Variants in FSTL4 observed in about 807,000 individuals in gnomAD.
FSTL4 encodes follistatin like 4.
In FSTL4, 28 loss-of-function variants were observed where a neutral mutation model predicts 78.2. That is an observed-to-expected ratio of 0.36 (90% CI 0.27 to 0.49). The LOEUF is 0.49. Ranked by LOEUF, FSTL4 falls within the 20% of genes least tolerant of loss-of-function variation. FSTL4 has a pLI of 0.98. For missense variants in FSTL4, 922 were observed against 1,084.9 expected (o/e 0.85, Z 2.11); for synonymous variants, 422 against 440.5 (o/e 0.96, Z 0.53).
chr5:133,660,352 C>T, the FSTL4 span, among the ~76,000 whole-genome samples: 4 of 152,254 alleles, frequency 2.6e-5, no homozygotes, highest in African/African-American at 4.8e-5. Flanking sequence ...AAACCCAGCC[C>T]GGTCCATGGG....
the FSTL4 span, among the ~76,000 whole-genome samples, chr5:133,710,472 G>A: frequency 6.6e-6 from 1 of 152,196 alleles, no homozygotes; most frequent in Non-Finnish European, 1.5e-5. Context: ...TAACTGGGAT[G>A]AGTGTCCTCT....
chr5:133,540,387 G>T (rs1759441450), intron 3 of FSTL4, among the ~76,000 whole-genome samples: 1 of 151,738 alleles, frequency 6.6e-6, no homozygotes, highest in Non-Finnish European at 1.5e-5. Context: ...CATTTCCTGG[G>T]CTCCCTATGG....
intron 3 of FSTL4, among the ~76,000 whole-genome samples, chr5:133,402,020 C>T (rs1017499692): frequency 4.0e-5 from 6 of 151,820 alleles, no homozygotes; most frequent in African/African-American, 1.2e-4. Flanking sequence ...TGGGGGTAGC[C>T]GAGGTAGGGA....
intron 2 of FSTL4, among the ~76,000 whole-genome samples, 185 bp from the exon 3 acceptor site, chr5:133,567,404 T>C (rs1466905069): frequency 1.3e-5 from 2 of 152,222 alleles, no homozygotes; most frequent in Non-Finnish European, 2.9e-5. Context: ...AAACAACTTG[T>C]TGCTTTGAGG....
At chr5:133,447,435 A>G (rs1757291689) in intron 3 of FSTL4, among the ~76,000 whole-genome samples, 1 of 152,226 alleles carries the variant, frequency 6.6e-6, no homozygotes, top group Non-Finnish European at 1.5e-5. Flanking sequence ...ATCAGAAAGA[A>G]TGACCCGCTT....
chr5:133,309,209 AG>A (rs1753721702), intron 6 of FSTL4, among the ~76,000 whole-genome samples: 1 of 147,310 alleles, frequency 6.8e-6, no homozygotes, highest in Non-Finnish European at 1.5e-5. Flanking sequence ...TGGCAGGGAC[AG>A]GTGGCACTAC....
At chr5:133,771,856 A>G in the FSTL4 span, among the ~76,000 whole-genome samples, 1 of 152,210 alleles carries the variant, frequency 6.6e-6, no homozygotes, top group Admixed American at 6.5e-5. Context: ...CAAACAAATC[A>G]GTTTTGTAAT....
At chr5:133,514,699 A>T (rs1758818845) in intron 3 of FSTL4, among the ~76,000 whole-genome samples, 1 of 152,254 alleles carries the variant, frequency 6.6e-6, no homozygotes, top group African/African-American at 2.4e-5. Context: ...TACCCAAATA[A>T]ACATTTGGAT....
At chr5:133,326,344 T>C (rs556746667) in intron 4 of FSTL4, among the ~76,000 whole-genome samples, 1 of 152,308 alleles carries the variant, frequency 6.6e-6, no homozygotes, top group African/African-American at 2.4e-5. Flanking sequence ...TACACACATA[T>C]GATACAGTCT....
chr5:133,395,701 C>G (rs1351351023), intron 4 of FSTL4, among the ~76,000 whole-genome samples: 2 of 151,516 alleles, frequency 1.3e-5, no homozygotes, highest in South Asian at 4.1e-4. Context: ...TTCCCGGAGA[C>G]TGGAGGTACT....
intron 3 of FSTL4, among the ~76,000 whole-genome samples, chr5:133,466,370 G>A (rs1422683213): frequency 2.0e-5 from 3 of 152,052 alleles, no homozygotes; most frequent in Non-Finnish European, 2.9e-5. Flanking sequence ...GTGAAACCCC[G>A]TCTCTACTAA....
intron 3 of FSTL4, among the ~76,000 whole-genome samples, chr5:133,556,290 C>G (rs1472787188): frequency 6.6e-6 from 1 of 152,180 alleles, no homozygotes; most frequent in East Asian, 1.9e-4. Context: ...ATGCCTATCT[C>G]AGAGGTTGTT....
the FSTL4 span, among the ~76,000 whole-genome samples, chr5:133,759,601 A>G: frequency 6.6e-6 from 1 of 152,384 alleles, no homozygotes; most frequent in East Asian, 1.9e-4. Flanking sequence ...ATATAGCACT[A>G]TACAAGTATA....
chr5:133,270,869 G>A (rs937542616), intron 6 of FSTL4, among the ~76,000 whole-genome samples: 4 of 152,284 alleles, frequency 2.6e-5, no homozygotes, highest in Admixed American at 2.6e-4. Flanking sequence ...GTCATAATCC[G>A]CTGTGCCATC....
At chr5:133,839,739 G>A in the FSTL4 span, among the ~76,000 whole-genome samples, 1 of 152,220 alleles carries the variant, frequency 6.6e-6, no homozygotes, top group Non-Finnish European at 1.5e-5. Flanking sequence ...TTGCTGAGTG[G>A]TATGCTTTTT....
At chr5:133,779,778 G>C in the FSTL4 span, among the ~76,000 whole-genome samples, 2 of 152,268 alleles carry the variant, frequency 1.3e-5, no homozygotes, top group South Asian at 2.1e-4. Flanking sequence ...CTCTCTGCTG[G>C]TCTTCTCACT....
At chr5:133,306,682 C>G (rs376819461) in intron 6 of FSTL4, among the ~76,000 whole-genome samples, 1 of 152,186 alleles carries the variant, frequency 6.6e-6, no homozygotes, top group Non-Finnish European at 1.5e-5. Flanking sequence ...CCTCTGGGAT[C>G]GCTGGCCACA....
At chr5:133,696,334 G>T in the FSTL4 span, among the ~76,000 whole-genome samples, 1 of 152,190 alleles carries the variant, frequency 6.6e-6, no homozygotes, top group Non-Finnish European at 1.5e-5. Flanking sequence ...ATATCCTGCC[G>T]AAGCCCTGTG....
At chr5:133,512,362 CAGTG>C (rs1464321972) in intron 3 of FSTL4, among the ~76,000 whole-genome samples, 1 of 152,232 alleles carries the variant, frequency 6.6e-6, no homozygotes, top group Non-Finnish European at 1.5e-5. Flanking sequence ...CCAAATGACA[CAGTG>C]AGCAAACAAC....
Sources: allele counts gnomAD v4.1 joint callset (sites outside exome capture counted in the v4.1 genomes callset), GRCh38; gene constraint gnomAD v4.1.1; transcripts MANE v1.5; gene names NCBI Gene and HGNC (gene_info 2026-07-23, HGNC 2026-07-21).